The following FAP variants were observed in gnomAD, a reference collection of about 807,000 sequenced individuals.
The protein encoded by FAP is fibroblast activation protein alpha.
FAP carries 110 observed loss-of-function variants against 126.5 expected under a neutral mutation model. That is an observed-to-expected ratio of 0.87 (90% CI 0.74 to 1.02). FAP has a LOEUF of 1.02. Among genes scored for constraint, FAP ranks in the 50% least tolerant of loss-of-function variants. FAP has a pLI of 0.00. For missense variants in FAP, 919 were observed against 909.2 expected, an observed-to-expected ratio of 1.01 and a Z score of -0.14; for synonymous variants, 334 against 297.3, an observed-to-expected ratio of 1.12 and a Z score of -1.27.
chr2:162,219,229 G>A, intron 7 of FAP, 46 bp from the exon 8 acceptor site: 1 of 1,561,786 alleles, frequency 6.4e-7, no homozygotes, highest in Non-Finnish European at 8.7e-7. Context: ...TTAAATGAAG[G>A]CTGTATATTT....
chr2:162,242,734 CA>C (rs1265082029), intron 2 of FAP, among the ~76,000 whole-genome samples, 173 bp downstream of exon 2: 1 of 152,172 alleles, frequency 6.6e-6, no homozygotes, highest in Non-Finnish European at 1.5e-5. Flanking sequence ...TTAAATTCCT[CA>C]GTATTTCTGG....
In FAP at chr2:162,226,598, T is replaced by A. The variant is rs996304731; in HGVS notation, c.115A>T (p.Met39Leu). Residue 39 changes from methionine to leucine, a missense_variant, in exon 3 of 26, where the codon ATG (methionine) becomes TTG (leucine). Physicochemically the swap from Met to Leu is conservative, Grantham distance 15. Transcript: ENST00000188790. ...ATATCCTTCAGTGTGAGTGCTCTCA[T>A]TGTATTTTCTTCAGAGTTATGAACT... ...SRVHNSEENT[M>L]RALTLKDILN... 3 of 1,589,666 alleles carry A rather than the reference T, an allele frequency of 1.9e-6. No homozygotes were observed. The highest frequency in any genetic ancestry group is 2.7e-5 in the African/African-American group (2 of 74,082).
chr2:162,224,366 A>G (rs1202360182), intron 5 of FAP, 100 bp downstream of exon 5: 2 of 682,878 alleles, frequency 2.9e-6, no homozygotes, highest in Non-Finnish European at 5.1e-6. Flanking sequence ...CTGAATATTT[A>G]GAGATAAAGA....
chr2:162,194,843 G>C, intron 16 of FAP, 95 bp from the exon 17 acceptor site: 2 of 1,038,308 alleles, frequency 1.9e-6, no homozygotes, highest in Non-Finnish European at 3.0e-6. Flanking sequence ...TTAGTGTCAA[G>C]TGCCAGTACA....
intron 25 of FAP, 47 bp from the exon 26 acceptor site, chr2:162,171,127 T>C (rs763192191): frequency 2.0e-6 from 3 of 1,496,134 alleles, no homozygotes; most frequent in South Asian, 2.3e-5. Context: ...AGTCATCAAA[T>C]GCATTTAGCT....
In FAP at chr2:162,188,265, T is replaced by C. The variant is rs1687920761; in HGVS notation, c.1718A>G (p.Asp573Gly). ...ACCTTGGAAAGCTGTTCCTCGACCA[T>C]CCACCAAGGCAATGACCATCCCTTC... is the stretch of plus-strand genomic sequence containing the variant. Reference protein sequence around the residue: ...SKEGMVIALVDGRGTAFQGDK... With the variant: ...SKEGMVIALVGGRGTAFQGDK... Residue 573 changes from aspartate to glycine, a missense_variant, in exon 20 of 26, where the codon GAT (aspartate) becomes GGT (glycine). Physicochemically the swap from Asp to Gly is moderately conservative, Grantham distance 94. Coordinates refer to ENST00000188790, the MANE Select transcript of FAP (RefSeq NM_004460.5). The C allele has an allele frequency of 3.7e-6, 6 of 1,613,128 alleles. No homozygotes were observed. Among genetic ancestry groups the C allele is most frequent in the African/African-American group, 1.3e-5 (1 of 74,804 alleles).
chr2:162,215,954 A>AAGG lies in FAP; in HGVS notation c.809_810insCCT (p.Thr270_Tyr271insLeu). 1 of 1,614,158 alleles carries AAGG rather than the reference A, an allele frequency of 6.2e-7. No homozygotes were observed. The highest frequency in any genetic ancestry group is 1.3e-5 in the African/African-American group (1 of 75,058). On this transcript the variant is annotated inframe_insertion, in exon 10 of 26. Transcript: ENST00000188790. The stretch of plus-strand genomic sequence containing the variant: ...CCTGGGGACCTACATACGCAGGGTA[A>AAGG]GTGGTATCGATAATAAATATCCGAA...
At position 162,174,944 on chromosome 2, in the gene FAP, G is replaced by A. The variant is rs750415192; in HGVS notation, c.1892C>T (p.Ser631Leu). The A allele has an allele frequency of 6.2e-7, 1 of 1,612,392 alleles. No homozygotes were observed. The highest frequency in any genetic ancestry group is 2.2e-5 in the East Asian group (1 of 44,832). The change falls in exon 22 of 26, where the codon TCA becomes TTA. Residue 631 changes from serine (S) to leucine (L), a missense_variant. By Grantham distance (145) the Ser-to-Leu change is moderately radical (BLOSUM62 -2). Transcript: ENST00000188790. ...ACCAGTTCCAGATGCAAGGGCCAGT[G>A]ATGAAACGTATCCTCCATAGGACTG... ...WGWSYGGYVS[S>L]LALASGTGLF...
intron 6 of FAP, chr2:162,221,508 G>A: frequency 2.8e-6 from 1 of 358,034 alleles, no homozygotes; most frequent in Non-Finnish European, 5.5e-6. Context: ...TTGGGCGACA[G>A]AACGAGACCC....
chr2:162,215,407 G>A (rs1689123694), intron 10 of FAP, among the ~76,000 whole-genome samples: 1 of 152,210 alleles, frequency 6.6e-6, no homozygotes, highest in Non-Finnish European at 1.5e-5. Flanking sequence ...CTGGGGAAGT[G>A]AGAATCCTTC....
intron 3 of FAP, 102 bp from the exon 4 acceptor site, chr2:162,225,679 C>A (rs565380160): frequency 1.7e-6 from 2 of 1,203,286 alleles, no homozygotes; most frequent in Non-Finnish European, 2.2e-6. Flanking sequence ...CTTTGTTTTT[C>A]CTCTCTGTCC....
chr2:162,179,301 G>A (rs551822981), intron 21 of FAP, among the ~76,000 whole-genome samples: 1 of 133,388 alleles, frequency 7.5e-6, no homozygotes, highest in South Asian at 2.5e-4. Flanking sequence ...CTATTACATA[G>A]AATTTGTGAT....
intron 16 of FAP, 42 bp downstream of exon 16, chr2:162,198,715 T>C (rs1688365099): frequency 1.2e-6 from 2 of 1,610,530 alleles, no homozygotes; most frequent in Non-Finnish European, 1.7e-6. Flanking sequence ...ATGACAACCA[T>C]GCCTGTGGGG....
At chr2:162,200,801 A>T (rs562964331) in intron 14 of FAP, among the ~76,000 whole-genome samples, 182 bp from the exon 15 acceptor site, 56 of 152,270 alleles carry the variant, frequency 3.7e-4, no homozygotes, top group African/African-American at 1.3e-3. Flanking sequence ...CTGGCTTCCA[A>T]ATCATCAGAG....
At chr2:162,200,467 T>A (rs1057314274) in intron 15 of FAP, 99 bp downstream of exon 15, 2 of 671,204 alleles carry the variant, frequency 3.0e-6, no homozygotes, top group Non-Finnish European at 5.2e-6. Flanking sequence ...TTTTATTATG[T>A]GCCATACTTT....
At position 162,185,510 on chromosome 2, in the gene FAP, G is replaced by A. The variant is rs115845996; in HGVS notation, c.1815-2042C>T. 1.3e-3 allele frequency among the ~76,000 whole-genome samples: 204 copies of A among 152,162 alleles called. 1 individual carries two copies. The highest frequency in any genetic ancestry group is 4.7e-3 in the African/African-American group (197 of 41,532). On this transcript the variant is annotated intron_variant, in intron 20 of 25. Coordinates refer to ENST00000188790, the MANE Select transcript of FAP (RefSeq NM_004460.5). ...ATTTGAAGAGACACCTAAAGAAAGC[G>A]GGTTCCAGTCTCCCTTATGTCTGTA...
intron 2 of FAP, among the ~76,000 whole-genome samples, chr2:162,226,968 T>C (rs902854727): frequency 1.3e-5 from 2 of 152,120 alleles, no homozygotes; most frequent in African/African-American, 2.4e-5. Context: ...GAAGATGAGA[T>C]GAGGTTCCAA....
At chr2:162,230,255 A>C (rs1348240559) in intron 2 of FAP, among the ~76,000 whole-genome samples, 3 of 152,234 alleles carry the variant, frequency 2.0e-5, no homozygotes, top group Non-Finnish European at 2.9e-5. Context: ...ATTAAGTCAC[A>C]TGTTAGAATA....
chr2:162,215,032 T>C (rs1425682830), intron 10 of FAP, among the ~76,000 whole-genome samples: 8 of 151,328 alleles, frequency 5.3e-5, no homozygotes, highest in Non-Finnish European at 1.0e-4. Context: ...AATGACACTT[T>C]AAAAAAAAAT....
Sources: gnomAD v4.1 joint callset for allele counts (sites outside exome capture counted in the v4.1 genomes callset) on GRCh38, gnomAD v4.1.1 for gene constraint, MANE v1.5 for transcripts, NCBI Gene and HGNC (gene_info 2026-07-23, HGNC 2026-07-21) for gene names.